The following ZNF556 variants were observed in gnomAD, a reference collection of about 807,000 sequenced individuals.
ZNF556 encodes the protein zinc finger protein 556.
ZNF556 carries 11 observed loss-of-function variants against 13.6 expected under a neutral mutation model. The ratio of observed to expected loss-of-function variants is 0.81; its 90% confidence interval spans 0.51 to 1.33. The LOEUF (loss-of-function observed/expected upper bound fraction) is 1.33, where lower values mean the gene tolerates loss of function less well. Among genes scored for constraint, ZNF556 ranks in the 40% most tolerant of loss-of-function variants. The pLI is 0.00. For synonymous variants in ZNF556, 229 were observed against 207.8 expected, an observed-to-expected ratio of 1.10 and a Z score of -0.88; for missense variants, 633 against 566.2, an observed-to-expected ratio of 1.12 and a Z score of -1.20.
intron 1 of ZNF556, 35 bp from the exon 2 acceptor site, chr19:2,873,461 C>T (rs1479899877): frequency 1.2e-6 from 2 of 1,609,136 alleles, no homozygotes; most frequent in Non-Finnish European, 1.7e-6. Context: ...TGAGTTTTAC[C>T]CCATCCTCAT....
At position 2,873,541 on chromosome 19, in the gene ZNF556, G is replaced by A. The variant is rs1164101611; in HGVS notation, c.49G>A (p.Glu17Lys). 1.2e-6 allele frequency: 2 copies of A among 1,614,084 alleles called. No homozygotes were observed. Among genetic ancestry groups the A allele is most frequent in the East Asian group, 2.2e-5 (1 of 44,902 alleles). ...CGTGGTTGTGGATTTCACGCTGGAG[G>A]AGTGGGCCTTGCTGAATCCTGCTCA... ...EDVVVDFTLE[E>K]WALLNPAQRK... is the part of the protein sequence containing the mutation. The change falls in exon 2 of 4, where the codon GAG becomes AAG. Residue 17 changes from glutamate to lysine, a missense_variant. Transcript: ENST00000307635.
rs372835506 is a variant in ZNF556, at chr19:2,868,739, G to T, written c.3+1315G>T. On this transcript the variant is annotated intron_variant, in intron 1 of 3. Transcript: ENST00000307635. ...CTAGCTAATTTTTTTTTTTTTTTCA[G>T]ATGGAGCCTCGCTCTGTCACCCAGG... Among the ~76,000 whole-genome samples, 17 of 100,652 alleles carry T rather than the reference G, an allele frequency of 1.7e-4. No homozygotes were observed. The East Asian group carries it at 3.5e-3, about 21-fold the overall frequency. 66.0% of individuals were successfully genotyped at this position (100,652 alleles called of 152,430 possible).
rs1299407091 is a variant in ZNF556 at position 2,877,613 on chromosome 19, A to C, written c.655A>C (p.Thr219Pro). 1 of 1,614,194 alleles carries C rather than the reference A, an allele frequency of 6.2e-7. No homozygotes were observed. Among genetic ancestry groups the C allele is most frequent in the South Asian group, 1.1e-5 (1 of 91,088 alleles). Residue 219 changes from threonine to proline, a missense_variant, in exon 4 of 4, where the codon ACT becomes CCT. Thr to Pro is a conservative substitution (Grantham distance 38). Coordinates refer to ENST00000307635, the MANE Select transcript of ZNF556 (RefSeq NM_024967.3). ...GACATTTCTTCGTTCCCACTCTCTC[A>C]CTGAACATGTAAGGACTCACACTGG... is the stretch of plus-strand genomic sequence containing the variant. ...GKTFLRSHSL[T>P]EHVRTHTGEK...
chr19:2,873,133 C>CA (rs370704982), intron 1 of ZNF556, among the ~76,000 whole-genome samples: 32,925 of 142,318 alleles, frequency 0.23, 5,643 homozygotes, highest in African/African-American at 0.49. Context: ...GACTCCGTCT[C>CA]AAAAAAAAAA....
chr19:2,876,428 A>G (rs1269285370), intron 3 of ZNF556, 152 bp downstream of exon 3: 1 of 725,946 alleles, frequency 1.4e-6, no homozygotes, highest in Non-Finnish European at 2.1e-6. Context: ...TGTCTCTACT[A>G]AAAATACAAA....
chr19:2,870,305 A>C (rs1488887631), intron 1 of ZNF556, among the ~76,000 whole-genome samples: 5 of 151,536 alleles, frequency 3.3e-5, no homozygotes, highest in Non-Finnish European at 5.9e-5. Context: ...AATAATAATA[A>C]AAATTAGCCA....
chr19:2,870,753 A>G (rs1415968849), intron 1 of ZNF556, among the ~76,000 whole-genome samples: 1 of 134,182 alleles, frequency 7.5e-6, no homozygotes, highest in Non-Finnish European at 1.6e-5. Context: ...TCTCAAAAAA[A>G]AAAAGGCCGG....
intron 1 of ZNF556, among the ~76,000 whole-genome samples, chr19:2,867,967 C>A (rs1040335537): frequency 6.6e-6 from 1 of 152,160 alleles, no homozygotes; most frequent in East Asian, 1.9e-4. Flanking sequence ...TTACTTGAGC[C>A]TCAGATTTTT....
intron 1 of ZNF556, 143 bp from the exon 2 acceptor site, chr19:2,873,352 GA>G (rs2087820995): frequency 1.1e-6 from 1 of 915,684 alleles, no homozygotes; most frequent in African/African-American, 1.6e-5. Flanking sequence ...ATTACAGACA[GA>G]GGGGAAGAGG....
intron 2 of ZNF556, chr19:2,875,554 G>T: frequency 1.2e-5 from 2 of 168,010 alleles, no homozygotes; most frequent in East Asian, 1.6e-4. Flanking sequence ...CCTGCTTATA[G>T]GCAGCCAAAA....
At position 2,878,193 on chromosome 19, in the gene ZNF556, C is replaced by T. The variant is rs772246047; in HGVS notation, c.1235C>T (p.Ser412Phe). 2 of 1,614,176 alleles carry T rather than the reference C, an allele frequency of 1.2e-6. No homozygotes were observed. Among genetic ancestry groups the T allele is most frequent in the South Asian group, 1.1e-5 (1 of 91,086 alleles). ...GGAAAACCTTCAGGCGGGCTTTGCT[C>T]TTCCAAAAATGTAAGAACGCAGATT... is the stretch of plus-strand genomic sequence containing the variant. ...SVGKPSGGLC[S>F]SKNVRTQIGQ... is the part of the protein sequence containing the mutation. The change falls in exon 4 of 4, where the codon TCT (serine) becomes TTT (phenylalanine). Residue 412 changes from serine to phenylalanine, a missense_variant. Ser to Phe is a radical substitution (Grantham distance 155). Transcript: ENST00000307635.
At chr19:2,876,038 A>G (rs923818825) in intron 2 of ZNF556, 55 bp from the exon 3 acceptor site, 1 of 1,450,384 alleles carries the variant, frequency 6.9e-7, no homozygotes, top group African/African-American at 1.4e-5. Flanking sequence ...CACCTGAATT[A>G]CTTCTTTCTT....
rs1289570148 is a variant in ZNF556, at chr19:2,882,536, G to GTGTA, written c.*4210_*4211insATGT. On this transcript the variant is annotated 3_prime_UTR_variant, in exon 4 of 4. Coordinates refer to ENST00000307635, the MANE Select transcript of ZNF556 (RefSeq NM_024967.3). ...TTTTATATATATATATATATAGTGT[G>GTGTA]TGTGTGTGTGTGTGTGTGTGTGTGT... 11 of 140,962 alleles carry GTGTA rather than the reference G, an allele frequency of 7.8e-5. No homozygotes were observed. The highest frequency in any genetic ancestry group is 3.3e-4 in the African/African-American group (11 of 32,910). 8.7% of individuals were successfully genotyped at this position (140,962 alleles called of 1,614,324 possible).
At position 2,877,316 on chromosome 19, in the gene ZNF556, A is replaced by G; in HGVS notation, c.358A>G (p.Asn120Asp). ...GAGACCATGTAAAAGCAGTAAAGGT[A>G]ATAAACGTGGAAGAACCTTCAGAAA... ...VERPCKSSKG[N>D]KRGRTFRKTR... The change falls in exon 4 of 4, where the codon AAT (asparagine) becomes GAT (aspartate). Residue 120 changes from asparagine (N) to aspartate (D), a missense_variant. By Grantham distance (23) the Asn-to-Asp change is conservative. Transcript: ENST00000307635. 6.2e-7 allele frequency: 1 copy of G among 1,614,164 alleles called. No homozygotes were observed. Among genetic ancestry groups the G allele is most frequent in the Non-Finnish European group, 8.5e-7 (1 of 1,179,988 alleles).
intron 1 of ZNF556, among the ~76,000 whole-genome samples, chr19:2,869,598 C>A (rs895653853): frequency 6.6e-6 from 1 of 152,146 alleles, no homozygotes; most frequent in Non-Finnish European, 1.5e-5. Flanking sequence ...AATCTCCTGA[C>A]CTCATGATCC....
rs2087900854 is a variant in ZNF556 at position 2,881,031 on chromosome 19, C to G, written c.*2702C>G. ...TACAGGCACCCGCCACCACACCCGG[C>G]TAATTTTTGTATTTTTAGTAGAGAC... On this transcript the variant is annotated 3_prime_UTR_variant, in exon 4 of 4. Transcript: ENST00000307635. The G allele has an allele frequency of 6.6e-6, 1 of 151,650 alleles. No individual in the cohort carries two copies. The highest frequency in any genetic ancestry group is 6.6e-5 in the Admixed American group (1 of 15,208). 9.4% of individuals were successfully genotyped at this position (151,650 alleles called of 1,614,324 possible). A position where few individuals can be genotyped will look rare whatever the true frequency, so the allele number is the denominator to read the frequency against.
intron 1 of ZNF556, among the ~76,000 whole-genome samples, chr19:2,871,362 A>G (rs922617249): frequency 6.6e-6 from 1 of 152,196 alleles, no homozygotes; most frequent in African/African-American, 2.4e-5. Context: ...AGATTCCTAG[A>G]GGAAGAGAGT....
Position 2,883,177 on chromosome 19 carries a change from T to C in ZNF556, c.*4848T>C, listed in dbSNP as rs2087917769. The C allele has an allele frequency of 6.6e-6, 1 of 152,108 alleles. No homozygotes were observed. Among genetic ancestry groups the C allele is most frequent in the Non-Finnish European group, 1.5e-5 (1 of 68,020 alleles). The allele number at this position is 152,108 out of a possible 1,614,324, so 9.4% of individuals were successfully genotyped here. A position where few individuals can be genotyped will look rare whatever the true frequency, so the allele number is the denominator to read the frequency against. On this transcript the variant is annotated 3_prime_UTR_variant, in exon 4 of 4. Transcript: ENST00000307635. ...TGGTGAGGATAAAATCTATGGACGG[T>C]GAGAGAACTAGTCAAGGAATAACTG... is the stretch of plus-strand genomic sequence containing the variant.
Position 2,878,244 on chromosome 19 carries a change from A to G in ZNF556, c.1286A>G (p.Lys429Arg), listed in dbSNP as rs778749437. 1 of 1,614,186 alleles carries G rather than the reference A, an allele frequency of 6.2e-7. No homozygotes were observed. Among genetic ancestry groups the G allele is most frequent in the South Asian group, 1.1e-5 (1 of 91,082 alleles). Residue 429 changes from lysine to arginine, a missense_variant, in exon 4 of 4, where the codon AAA becomes AGA. Physicochemically the swap from Lys to Arg is conservative, Grantham distance 26. Coordinates refer to ENST00000307635, the MANE Select transcript of ZNF556 (RefSeq NM_024967.3). ...QIGQKPSKCE[K>R]CGKAFSCPKA... Reference sequence around the variant, plus strand: ...GGACAGAAGCCCAGTAAATGCGAAAAATGTGGGAAAGCTTTCAGTTGTCCC... The same window carrying G: ...GGACAGAAGCCCAGTAAATGCGAAAGATGTGGGAAAGCTTTCAGTTGTCCC...
Sources: gnomAD v4.1 joint callset for allele counts (sites outside exome capture counted in the v4.1 genomes callset) on GRCh38, gnomAD v4.1.1 for gene constraint, MANE v1.5 for transcripts, NCBI Gene and HGNC (gene_info 2026-07-23, HGNC 2026-07-21) for gene names.